SLC28A1: variants seen among roughly 807,000 people sequenced by gnomAD.
The protein encoded by SLC28A1 is solute carrier family 28 member 1, also known as sodium/nucleoside cotransporter 1.
SLC28A1 carries 64 observed loss-of-function variants against 74.8 expected under a neutral mutation model. That is an observed-to-expected ratio of 0.86 (90% CI 0.70 to 1.05). The LOEUF (loss-of-function observed/expected upper bound fraction) is 1.05. Among genes scored for constraint, SLC28A1 ranks in the 50% least tolerant of loss-of-function variants. The probability of loss-of-function intolerance (pLI) is 0.00; values close to 1 mark genes in which losing one functional copy is unlikely to be tolerated. For missense variants in SLC28A1, 828 were observed against 822.8 expected, an observed-to-expected ratio of 1.01 and a Z score of -0.08; for synonymous variants, 359 against 335.0, an observed-to-expected ratio of 1.07 and a Z score of -0.78.
At chr15:84,887,919 C>T (rs1466558162) in intron 3 of SLC28A1, 63 bp downstream of exon 3, 21 of 1,218,076 alleles carry the variant, frequency 1.7e-5, no homozygotes, top group South Asian at 6.0e-5. Flanking sequence ...GCCCGGCTGC[C>T]GAGGTGATGA....
At chr15:84,922,326 A>C (rs1969924109) in intron 11 of SLC28A1, among the ~76,000 whole-genome samples, 1 of 152,080 alleles carries the variant, frequency 6.6e-6, no homozygotes, top group Admixed American at 6.5e-5. Context: ...AAGTCCAAAC[A>C]ACCTGAACTG....
chr15:84,922,626 T>G (rs542521477), intron 11 of SLC28A1, among the ~76,000 whole-genome samples: 1 of 152,302 alleles, frequency 6.6e-6, no homozygotes, highest in Non-Finnish European at 1.5e-5. Context: ...CGAGTGACCC[T>G]TCAAACACAC....
chr15:84,920,888 TG>T, intron 10 of SLC28A1, 100 bp from the exon 11 acceptor site: 1 of 901,926 alleles, frequency 1.1e-6, no homozygotes, highest in Non-Finnish European at 1.9e-6. Context: ...TACACTGGGC[TG>T]GGAGTTGGGA....
At chr15:84,916,371 A>G (rs1303572698) in intron 9 of SLC28A1, among the ~76,000 whole-genome samples, 1 of 151,382 alleles carries the variant, frequency 6.6e-6, no homozygotes, top group East Asian at 1.9e-4. Context: ...CCTCCAGAGC[A>G]GTTGGAACCA....
At chr15:84,910,818 G>A (rs533449511) in intron 9 of SLC28A1, among the ~76,000 whole-genome samples, 87 of 152,340 alleles carry the variant, frequency 5.7e-4, no homozygotes, top group African/African-American at 1.9e-3. Flanking sequence ...GTGCAGTAAC[G>A]GAGGGGCCTG....
At chr15:84,910,728 C>CAACAA (rs927102621) in intron 9 of SLC28A1, among the ~76,000 whole-genome samples, 49 of 152,166 alleles carry the variant, frequency 3.2e-4, no homozygotes, top group South Asian at 1.9e-3. Context: ...AACTGCATCT[C>CAACAA]AACAAAACAA....
At chr15:84,973,726 T>C in the SLC28A1 span, among the ~76,000 whole-genome samples, 10 of 152,242 alleles carry the variant, frequency 6.6e-5, no homozygotes, top group Admixed American at 1.3e-4. Flanking sequence ...GCATGATGTC[T>C]GCTTCCTGCA....
chr15:84,945,299 C>T lies in SLC28A1; in HGVS notation c.*99C>T, dbSNP rs1190336527. 1 of 1,134,494 alleles carries T rather than the reference C, an allele frequency of 8.8e-7. No individual in the cohort carries two copies. The allele number at this position is 1,134,494 out of a possible 1,614,324, so 70.3% of individuals were successfully genotyped here. On this transcript the variant is annotated 3_prime_UTR_variant, in exon 19 of 19. Transcript: ENST00000394573. The stretch of plus-strand genomic sequence containing the variant: ...TTTCCCAGAGCCCTCTTCAGGGAAG[C>T]CACAGGACTTAGACCCAGCTCAATC...
At chr15:84,933,418 C>T in intron 13 of SLC28A1, 143 bp downstream of exon 13, 1 of 985,984 alleles carries the variant, frequency 1.0e-6, no homozygotes, top group Non-Finnish European at 1.5e-6. Flanking sequence ...GTTTGGGCTT[C>T]ATTTGCTGTC....
the SLC28A1 span, among the ~76,000 whole-genome samples, chr15:84,951,501 C>T: frequency 1.3e-5 from 2 of 150,472 alleles, no homozygotes; most frequent in African/African-American, 2.4e-5. Context: ...ACTGCCACGA[C>T]AGCACAAACT....
Position 84,905,569 on chromosome 15 carries a change from G to A in SLC28A1, c.634G>A (p.Gly212Arg). 2.5e-6 allele frequency: 4 copies of A among 1,614,012 alleles called. No individual in the cohort carries two copies. Among genetic ancestry groups the A allele is most frequent in the Non-Finnish European group, 3.4e-6 (4 of 1,179,870 alleles). ...CTGGAGGGCCGTGTCTTGGGGACTT[G>A]GACTGCAGTTTGTACTTGGACTCCT... is the stretch of plus-strand genomic sequence containing the variant. Reference protein sequence around the residue: ...VSWRAVSWGLGLQFVLGLLVI... With the variant: ...VSWRAVSWGLRLQFVLGLLVI... Residue 212 changes from glycine to arginine, a missense_variant, in exon 8 of 19, where the codon GGA becomes AGA. Gly to Arg is a moderately radical substitution (Grantham distance 125, BLOSUM62 -2). Coordinates refer to ENST00000394573, the MANE Select transcript of SLC28A1 (RefSeq NM_004213.5).
chr15:84,899,766 A>G (rs1047958123), intron 6 of SLC28A1, among the ~76,000 whole-genome samples: 5 of 152,124 alleles, frequency 3.3e-5, no homozygotes, highest in Non-Finnish European at 7.4e-5. Flanking sequence ...AGTGGCTCAC[A>G]CCTGTAGTCC....
chr15:84,937,323 T>G (rs917634472), intron 15 of SLC28A1, among the ~76,000 whole-genome samples: 2 of 152,140 alleles, frequency 1.3e-5, no homozygotes, highest in Non-Finnish European at 2.9e-5. Context: ...TCTGCAGCGT[T>G]CCCAGGTGTG....
intron 11 of SLC28A1, among the ~76,000 whole-genome samples, chr15:84,923,261 C>G (rs556318813): frequency 5.3e-5 from 8 of 152,250 alleles, no homozygotes; most frequent in Admixed American, 5.2e-4. Flanking sequence ...ACACCCCTAA[C>G]CAGTAGGCAT....
the SLC28A1 span, among the ~76,000 whole-genome samples, chr15:84,962,352 G>A: frequency 6.6e-6 from 1 of 152,034 alleles, no homozygotes; most frequent in Non-Finnish European, 1.5e-5. Flanking sequence ...AGGATTATAG[G>A]TGTGAGCCAC....
chr15:84,929,699 T>A (rs909232481), intron 12 of SLC28A1, among the ~76,000 whole-genome samples: 7 of 151,968 alleles, frequency 4.6e-5, no homozygotes, highest in East Asian at 3.9e-4. Context: ...ACAAAAAATT[T>A]AAAAAATAAA....
chr15:84,908,855 G>A, intron 9 of SLC28A1, 60 bp downstream of exon 9: 1 of 1,414,932 alleles, frequency 7.1e-7, no homozygotes, highest in Non-Finnish European at 1.0e-6. Flanking sequence ...ACTCCAGCTA[G>A]AGGGGAGTCT....
intron 9 of SLC28A1, among the ~76,000 whole-genome samples, chr15:84,916,549 A>G (rs900761133): frequency 1.3e-5 from 2 of 152,092 alleles, no homozygotes; most frequent in African/African-American, 4.8e-5. Context: ...TGCTGGGCCA[A>G]CCTGTACTTC....
chr15:84,948,703 A>G (rs1201104139), downstream of SLC28A1, among the ~76,000 whole-genome samples: 2 of 152,150 alleles, frequency 1.3e-5, no homozygotes, highest in Non-Finnish European at 2.9e-5. Context: ...CTAATTGAGA[A>G]GGTTCCTCTT....
Sources: gnomAD v4.1 joint callset for allele counts (sites outside exome capture counted in the v4.1 genomes callset) on GRCh38, gnomAD v4.1.1 for gene constraint, MANE v1.5 for transcripts, NCBI Gene and HGNC (gene_info 2026-07-23, HGNC 2026-07-21) for gene names.